The following HSD17B12 variants were observed in gnomAD, a reference collection of about 807,000 sequenced individuals.
HSD17B12 encodes very-long-chain 3-oxoacyl-CoA reductase.
HSD17B12 carries 32 observed loss-of-function variants against 39.3 expected under a neutral mutation model. The observed-to-expected ratio is 0.81, with a 90% CI of 0.61 to 1.09. The LOEUF is 1.09. HSD17B12 is among the 50% of genes least tolerant of loss of function. The pLI is 0.00. For synonymous variants in HSD17B12, 150 were observed against 146.7 expected (o/e 1.02, Z -0.16); for missense variants, 342 against 382.9 (o/e 0.89, Z 0.89).
chr11:43,710,494 T>C (rs1481817436), intron 1 of HSD17B12, among the ~76,000 whole-genome samples: 4 of 152,158 alleles, frequency 2.6e-5, no homozygotes, highest in Non-Finnish European at 4.4e-5. Context: ...ATGTAAACTT[T>C]TAGTGATAAA....
At chr11:43,721,952 A>G (rs551600407) in intron 1 of HSD17B12, among the ~76,000 whole-genome samples, 3 of 152,188 alleles carry the variant, frequency 2.0e-5, no homozygotes, top group South Asian at 2.1e-4. Flanking sequence ...GCTTGCAGTC[A>G]TCTAGGGGAG....
chr11:43,847,715 C>CAAAAAA lies in HSD17B12; in HGVS notation c.685-6987_685-6982dup, dbSNP rs749195210. On this transcript the variant is annotated intron_variant, in intron 9 of 10. Transcript: ENST00000278353. ...GGTGGCAGAGCAAGACTCTGCCTCA[C>CAAAAAA]AAAAAAAAAAAAAAAAAAGAGAAAT... Among the ~76,000 whole-genome samples, 206 of 84,960 alleles carry CAAAAAA rather than the reference C, an allele frequency of 2.4e-3. 3 individuals carry two copies. Among genetic ancestry groups the CAAAAAA allele is most frequent in the Non-Finnish European group, 2.7e-3 (125 of 45,524 alleles). The allele number at this position is 84,960 out of a possible 152,430, so 55.7% of individuals were successfully genotyped here. A position where few individuals can be genotyped will look rare whatever the true frequency, so the allele number is the denominator to read the frequency against.
At chr11:43,784,211 C>G (rs1950794043) in intron 3 of HSD17B12, among the ~76,000 whole-genome samples, 1 of 151,936 alleles carries the variant, frequency 6.6e-6, no homozygotes, top group African/African-American at 2.4e-5. Flanking sequence ...GGGCTACATG[C>G]ATAAGCTAAC....
chr11:43,631,917 G>A, the HSD17B12 span, among the ~76,000 whole-genome samples: 951 of 152,120 alleles, frequency 6.3e-3, 5 homozygotes, highest in African/African-American at 0.022. Context: ...TTTCCTCTTT[G>A]GCCTCTCATC....
chr11:43,641,565 T>C, the HSD17B12 span, among the ~76,000 whole-genome samples: 3 of 151,982 alleles, frequency 2.0e-5, no homozygotes, highest in East Asian at 1.9e-4. Context: ...TATACTCACA[T>C]GCTGGGAAAA....
At chr11:43,641,492 G>A in the HSD17B12 span, among the ~76,000 whole-genome samples, 1 of 151,966 alleles carries the variant, frequency 6.6e-6, no homozygotes, top group Non-Finnish European at 1.5e-5. Context: ...TGTTTTAAAA[G>A]CAGGCCCGTG....
chr11:43,707,868 C>G (rs763790009), intron 1 of HSD17B12, among the ~76,000 whole-genome samples: 3 of 152,142 alleles, frequency 2.0e-5, no homozygotes, highest in Non-Finnish European at 4.4e-5. Flanking sequence ...ATACTATAGA[C>G]TAGATGGCTG....
At chr11:43,818,245 A>G (rs1202423146) in intron 6 of HSD17B12, among the ~76,000 whole-genome samples, 2 of 152,150 alleles carry the variant, frequency 1.3e-5, no homozygotes, top group Admixed American at 6.5e-5. Context: ...TGTACGGGGA[A>G]TATGGAAGTA....
intron 1 of HSD17B12, among the ~76,000 whole-genome samples, chr11:43,715,454 C>A (rs1950112459): frequency 6.6e-6 from 1 of 152,120 alleles, no homozygotes. Flanking sequence ...TCGAACCAGC[C>A]TTGCATCCCA....
At chr11:43,793,074 C>T (rs977506311) in intron 3 of HSD17B12, among the ~76,000 whole-genome samples, 1 of 152,094 alleles carries the variant, frequency 6.6e-6, no homozygotes, top group African/African-American at 2.4e-5. Flanking sequence ...GTTTAAGAAA[C>T]AGACTCTTTG....
chr11:43,813,915 C>T (rs1951096016), intron 4 of HSD17B12, among the ~76,000 whole-genome samples: 1 of 152,176 alleles, frequency 6.6e-6, no homozygotes, highest in Non-Finnish European at 1.5e-5. Flanking sequence ...TTGCAACTTA[C>T]AGCCTCAAGT....
the HSD17B12 span, chr11:43,645,739 G>A: frequency 6.6e-6 from 1 of 152,400 alleles, no homozygotes; most frequent in Non-Finnish European, 1.5e-5. Flanking sequence ...AACACTTAGG[G>A]AGGCCAAGGC....
rs199825108 is a variant in HSD17B12 at position 43,680,962 on chromosome 11, C to G, written c.135C>G (p.Val45=). ...RVWGVGNEAG[V]GPGLGEWAVV... is the part of the protein sequence containing the mutation. ...GGGGAGTGGGGAATGAGGCGGGGGT[C>G]GGCCCGGGGCTCGGAGAATGGGCAG... The change falls in exon 1 of 11, where the codon GTC becomes GTG. Residue 45 remains valine (V), a synonymous_variant. Transcript: ENST00000278353. The G allele has an allele frequency of 3.1e-6, 5 of 1,606,594 alleles. No homozygotes were observed. Among genetic ancestry groups the G allele is most frequent in the African/African-American group, 2.7e-5 (2 of 74,802 alleles).
rs149832856 is a variant in HSD17B12, at chr11:43,761,902, C to A, written c.283+7781C>A. Among the ~76,000 whole-genome samples, 251 of 152,180 alleles carry A rather than the reference C, an allele frequency of 1.6e-3. 1 individual carries two copies. The highest frequency in any genetic ancestry group is 5.8e-3 in the African/African-American group (239 of 41,482). On this transcript the variant is annotated intron_variant, in intron 3 of 10. Coordinates refer to ENST00000278353, the MANE Select transcript of HSD17B12 (RefSeq NM_016142.3). ...TTGGTCAAAGCAGTCATGAATCTGCCCAGATTTAAGGGGAGAGGAATAGAC... is the reference window on the plus strand; with the variant it reads ...TTGGTCAAAGCAGTCATGAATCTGCACAGATTTAAGGGGAGAGGAATAGAC...
chr11:43,831,045 G>A lies in HSD17B12; in HGVS notation c.536+35G>A, dbSNP rs763534362. The A allele has an allele frequency of 1.1e-5, 18 of 1,581,914 alleles. No individual in the cohort carries two copies. The highest frequency in any genetic ancestry group is 1.6e-5 in the Non-Finnish European group (18 of 1,159,746). ...AAGCTCACATACAAACACTGTGGAAGCAGAGCTCATGATTATTTAGAGGGA... is the reference window on the plus strand; with the variant it reads ...AAGCTCACATACAAACACTGTGGAAACAGAGCTCATGATTATTTAGAGGGA... On this transcript the variant is annotated intron_variant, in intron 7 of 10. Coordinates refer to ENST00000278353, the MANE Select transcript of HSD17B12 (RefSeq NM_016142.3). The surrounding 1 kb of genome is among the most constrained non-coding windows in gnomAD (Gnocchi z 4.1).
intron 1 of HSD17B12, among the ~76,000 whole-genome samples, chr11:43,716,982 A>C (rs956681193): frequency 7.2e-5 from 11 of 152,146 alleles, no homozygotes; most frequent in Non-Finnish European, 1.3e-4. Flanking sequence ...ATTTACTAGC[A>C]GTCTTATATC....
the HSD17B12 span, among the ~76,000 whole-genome samples, chr11:43,605,558 T>C: frequency 3.1e-4 from 41 of 131,656 alleles, no homozygotes; most frequent in African/African-American, 9.2e-4. Flanking sequence ...CAAAACTCCA[T>C]CTCAAAAAAA....
the HSD17B12 span, chr11:43,641,089 G>A: frequency 6.6e-6 from 1 of 151,792 alleles, no homozygotes; most frequent in Non-Finnish European, 1.5e-5. Context: ...ATTTCAATTA[G>A]ACGAAAGAAG....
the HSD17B12 span, among the ~76,000 whole-genome samples, chr11:43,575,371 G>T: frequency 1.3e-5 from 2 of 152,236 alleles, no homozygotes; most frequent in Non-Finnish European, 2.9e-5. The surrounding 1 kb of genome is among the most constrained non-coding windows in gnomAD (Gnocchi z 4.1). Flanking sequence ...CTATCTGCCC[G>T]ACAAACACAC....
Sources: gnomAD v4.1 joint callset for allele counts (sites outside exome capture counted in the v4.1 genomes callset) on GRCh38, gnomAD v4.1.1 for gene constraint, Gnocchi (gnomAD v3.1) non-coding constraint, MANE v1.5 for transcripts, NCBI Gene and HGNC (gene_info 2026-07-23, HGNC 2026-07-21) for gene names.